The following SNX29 variants were observed in gnomAD, a reference collection of about 807,000 sequenced individuals.
SNX29 encodes sorting nexin-29.
A neutral mutation model predicts 102.1 loss-of-function variants in SNX29; 78 were observed. That is an observed-to-expected ratio of 0.76 (90% confidence interval 0.64 to 0.92). The LOEUF is 0.92. SNX29 is among the 40% of genes least tolerant of loss of function. The pLI is 0.00. For missense variants in SNX29, 1,280 were observed against 1,061.7 expected, an observed-to-expected ratio of 1.21 and a Z score of -2.86; for synonymous variants, 580 against 414.5, an observed-to-expected ratio of 1.40 and a Z score of -4.85.
At chr16:12,453,824 C>T (rs1050369105) in intron 18 of SNX29, among the ~76,000 whole-genome samples, 1 of 151,934 alleles carries the variant, frequency 6.6e-6, no homozygotes, top group African/African-American at 2.4e-5. Flanking sequence ...AGACTGTAGG[C>T]ATTTAGATGG....
intron 20 of SNX29, among the ~76,000 whole-genome samples, chr16:12,537,677 A>C (rs1307522166): frequency 1.3e-5 from 2 of 152,150 alleles, no homozygotes; most frequent in African/African-American, 2.4e-5. Context: ...GTCTTTTTTA[A>C]ACATTGGAGC....
chr16:12,465,368 C>T (rs947190581), intron 18 of SNX29, among the ~76,000 whole-genome samples: 1 of 152,126 alleles, frequency 6.6e-6, no homozygotes, highest in Admixed American at 6.6e-5. Context: ...AGTCTTTAAT[C>T]TATTTCATGA....
chr16:12,519,905 G>C (rs2090029508), intron 19 of SNX29, among the ~76,000 whole-genome samples: 1 of 152,076 alleles, frequency 6.6e-6, no homozygotes, highest in South Asian at 2.1e-4. Context: ...CTACTTGGGA[G>C]GCTGAGGCAG....
intron 15 of SNX29, among the ~76,000 whole-genome samples, chr16:12,314,052 C>T (rs984611688): frequency 2.0e-5 from 3 of 152,264 alleles, no homozygotes; most frequent in Non-Finnish European, 1.5e-5. Context: ...GTCGTGCACT[C>T]ACAGCTCACT....
chr16:12,540,346 G>C (rs564233892), intron 20 of SNX29, among the ~76,000 whole-genome samples: 2 of 152,150 alleles, frequency 1.3e-5, no homozygotes, highest in African/African-American at 4.8e-5. Context: ...AAAGAGGAAC[G>C]TTATCCCCTG....
intron 15 of SNX29, among the ~76,000 whole-genome samples, chr16:12,349,434 G>C (rs1478569645): frequency 2.0e-5 from 3 of 152,232 alleles, no homozygotes; most frequent in Non-Finnish European, 4.4e-5. Context: ...AATGGACACT[G>C]TAAGACAATG....
At chr16:12,541,353 TC>T (rs769216456) in intron 20 of SNX29, among the ~76,000 whole-genome samples, 191 of 152,270 alleles carry the variant, frequency 1.3e-3, no homozygotes, top group Non-Finnish European at 2.0e-3. Flanking sequence ...TCTTCATTCT[TC>T]ACAGAATTCC....
chr16:12,551,044 C>G (rs77190176), intron 20 of SNX29, among the ~76,000 whole-genome samples: 4,339 of 152,172 alleles, frequency 0.029, 129 homozygotes, highest in East Asian at 0.14. Flanking sequence ...AAGGTGTCAT[C>G]CAGATGAAGG....
chr16:12,467,782 C>T (rs2087128750), intron 18 of SNX29, among the ~76,000 whole-genome samples: 1 of 152,210 alleles, frequency 6.6e-6, no homozygotes, highest in Admixed American at 6.5e-5. Context: ...GGAGCTGTTC[C>T]TCTGGTTGAA....
intron 13 of SNX29, among the ~76,000 whole-genome samples, chr16:12,174,406 T>C (rs1231450534): frequency 6.6e-6 from 1 of 152,196 alleles, no homozygotes; most frequent in East Asian, 1.9e-4. Context: ...CTTGGCAAGA[T>C]ACATCGTTTG....
At chr16:12,372,879 G>A (rs975666479) in intron 16 of SNX29, 8 of 152,130 alleles carry the variant, frequency 5.3e-5, no homozygotes, top group Non-Finnish European at 8.8e-5. Context: ...TTGAAAGTGG[G>A]AGTGTCATTT....
intron 13 of SNX29, among the ~76,000 whole-genome samples, chr16:12,191,857 C>CT (rs1274928235): frequency 6.6e-5 from 10 of 152,320 alleles, no homozygotes; most frequent in South Asian, 2.1e-4. Flanking sequence ...TCCTCATGGT[C>CT]TTGGATAGCC....
intron 11 of SNX29, among the ~76,000 whole-genome samples, chr16:12,115,883 T>C (rs1190111912): frequency 2.0e-5 from 3 of 152,214 alleles, no homozygotes; most frequent in African/African-American, 7.2e-5. Flanking sequence ...AGCCCTCCAC[T>C]GCACCCCGCA....
intron 16 of SNX29, among the ~76,000 whole-genome samples, chr16:12,364,387 G>A (rs904389772): frequency 1.3e-5 from 2 of 149,850 alleles, no homozygotes; most frequent in Non-Finnish European, 3.0e-5. Context: ...AGGAGTTTGG[G>A]ATTAAGGATT....
chr16:12,258,533 A>G (rs1424202533), intron 14 of SNX29, among the ~76,000 whole-genome samples: 1 of 151,992 alleles, frequency 6.6e-6, no homozygotes, highest in East Asian at 1.9e-4. Flanking sequence ...AATTCTCCTT[A>G]CTTATCTGCT....
chr16:12,001,104 T>A (rs1438986432), intron 2 of SNX29, among the ~76,000 whole-genome samples: 3 of 152,184 alleles, frequency 2.0e-5, no homozygotes, highest in Non-Finnish European at 4.4e-5. Flanking sequence ...GTGGAGCTTA[T>A]GCCCAGAGCT....
intron 13 of SNX29, among the ~76,000 whole-genome samples, chr16:12,173,857 G>T (rs2076203483): frequency 6.6e-6 from 1 of 152,202 alleles, no homozygotes; most frequent in African/African-American, 2.4e-5. Context: ...TGCGATCTCA[G>T]CTCACTCTGC....
At chr16:12,563,006 G>T (rs78752349) in intron 20 of SNX29, among the ~76,000 whole-genome samples, 1 of 151,640 alleles carries the variant, frequency 6.6e-6, no homozygotes, top group Non-Finnish European at 1.5e-5. Flanking sequence ...GCTTCAATGC[G>T]CCTTTCAAAC....
chr16:12,407,258 T>C (rs1032759595), intron 18 of SNX29, among the ~76,000 whole-genome samples: 1 of 152,186 alleles, frequency 6.6e-6, no homozygotes, highest in African/African-American at 2.4e-5. Flanking sequence ...CCCTCTGATC[T>C]TTCTTAGGAA....
Sources: allele counts gnomAD v4.1 joint callset (sites outside exome capture counted in the v4.1 genomes callset), GRCh38; gene constraint gnomAD v4.1.1; transcripts MANE v1.5; gene names NCBI Gene and HGNC (gene_info 2026-07-23, HGNC 2026-07-21).